The following PPP2R5A variants were observed in gnomAD, a reference collection of about 807,000 sequenced individuals.
The protein encoded by PPP2R5A is serine/threonine-protein phosphatase 2A 56 kDa regulatory subunit alpha isoform.
Under a neutral mutation model 64.2 loss-of-function variants are expected in PPP2R5A, and 25 were observed. The observed-to-expected ratio is 0.39, with a 90% CI of 0.28 to 0.54. The LOEUF (loss-of-function observed/expected upper bound fraction) is 0.54. Among genes scored for constraint, PPP2R5A ranks in the 20% least tolerant of loss-of-function variants. The pLI is 0.67. For missense variants in PPP2R5A, 425 were observed against 576.3 expected, an observed-to-expected ratio of 0.74 and a Z score of 2.69; for synonymous variants, 198 against 201.2, an observed-to-expected ratio of 0.98 and a Z score of 0.13.
chr1:212,357,451 A>G, intron 11 of PPP2R5A, 167 bp downstream of exon 11: 1 of 569,644 alleles, frequency 1.8e-6, no homozygotes, highest in Non-Finnish European at 2.7e-6. Context: ...ACCTTTATCA[A>G]GTTATAAATG....
At chr1:212,314,806 C>T (rs1659114456) in intron 1 of PPP2R5A, among the ~76,000 whole-genome samples, 1 of 152,042 alleles carries the variant, frequency 6.6e-6, no homozygotes, top group Admixed American at 6.6e-5. Flanking sequence ...AAGTGATCCG[C>T]CCACCTCAGC....
chr1:212,310,698 G>A (rs895325103), intron 1 of PPP2R5A, among the ~76,000 whole-genome samples: 2 of 152,112 alleles, frequency 1.3e-5, no homozygotes, highest in Admixed American at 6.5e-5. Context: ...GGTGATTGAG[G>A]CCCCAGTTAT....
chr1:212,337,930 C>T (rs1009651530), intron 3 of PPP2R5A, among the ~76,000 whole-genome samples: 1 of 131,860 alleles, frequency 7.6e-6, no homozygotes, highest in African/African-American at 4.4e-5. Flanking sequence ...TATATGAATT[C>T]TTTTATATAT....
chr1:212,304,366 C>T (rs1239641790), intron 1 of PPP2R5A, among the ~76,000 whole-genome samples: 2 of 152,034 alleles, frequency 1.3e-5, no homozygotes, highest in African/African-American at 2.4e-5. Context: ...GCCTGACCAA[C>T]GTGGAGAAAC....
intron 5 of PPP2R5A, among the ~76,000 whole-genome samples, chr1:212,347,043 ATTTC>A (rs1425209398): frequency 6.6e-6 from 1 of 152,154 alleles, no homozygotes; most frequent in Admixed American, 6.5e-5. Flanking sequence ...TTTAAAAAGT[ATTTC>A]TTTGAGGAAA....
chr1:212,327,947 TG>T lies in PPP2R5A; in HGVS notation c.182-1185del, dbSNP rs574778192. 4.9e-4 allele frequency among the ~76,000 whole-genome samples: 74 copies of T among 152,348 alleles called. 1 individual carries two copies. In the South Asian group the frequency reaches 0.014, roughly 30 times the overall value. ...CTCTTACCTCAGCCTCTGGAGTAGC[TG>T]GGATTACAGGCATGCGCCACCATGC... is the stretch of plus-strand genomic sequence containing the variant. On this transcript the variant is annotated intron_variant, in intron 1 of 12. Coordinates refer to ENST00000261461, the MANE Select transcript of PPP2R5A (RefSeq NM_006243.4).
At chr1:212,302,389 T>C (rs1009348237) in intron 1 of PPP2R5A, among the ~76,000 whole-genome samples, 3 of 152,208 alleles carry the variant, frequency 2.0e-5, no homozygotes, top group African/African-American at 7.2e-5. Flanking sequence ...TCTAATTTAG[T>C]ATTATAAGTT....
Position 212,357,184 on chromosome 1 carries a change from A to T in PPP2R5A, c.1126A>T (p.Asn376Tyr). The T allele has an allele frequency of 6.3e-7, 1 of 1,589,526 alleles. No homozygotes were observed. Among genetic ancestry groups the T allele is most frequent in the African/African-American group, 1.4e-5 (1 of 73,550 alleles). ...TGCAGAAAGGGCATTGTACTTCTGGAATAACGAATATATTCTTAGTTTGAT... is the reference window on the plus strand; with the variant it reads ...TGCAGAAAGGGCATTGTACTTCTGGTATAACGAATATATTCTTAGTTTGAT... ...QVAERALYFWNNEYILSLIEE... is the reference protein window; with the variant it reads ...QVAERALYFWYNEYILSLIEE... Residue 376 changes from asparagine (N) to tyrosine (Y), a missense_variant, in exon 11 of 13, where the codon AAT (asparagine) becomes TAT (tyrosine). Physicochemically the swap from Asn to Tyr is moderately radical, Grantham distance 143. Transcript: ENST00000261461.
chr1:212,306,360 G>GA (rs199738352), intron 1 of PPP2R5A, among the ~76,000 whole-genome samples: 2 of 151,516 alleles, frequency 1.3e-5, no homozygotes, highest in South Asian at 4.2e-4. Context: ...AAGAATGGAG[G>GA]GGGGGTAACT....
chr1:212,360,712 A>G lies in PPP2R5A; in HGVS notation c.1403A>G (p.Glu468Gly). The change falls in exon 13 of 13, where the codon GAA becomes GGA. Residue 468 changes from glutamate to glycine, a missense_variant. Physicochemically the swap from Glu to Gly is moderately conservative, Grantham distance 98 (BLOSUM62 -2). Transcript: ENST00000261461. ...LEELKLKKALEKQNSAYNMHS... is the reference protein window; with the variant it reads ...LEELKLKKALGKQNSAYNMHS... ...GAGCTAAAGCTAAAGAAAGCTCTAG[A>G]AAAACAGAATAGTGCTTACAACATG... 2 of 1,601,272 alleles carry G rather than the reference A, an allele frequency of 1.2e-6. No homozygotes were observed. Among genetic ancestry groups the G allele is most frequent in the South Asian group, 2.3e-5 (2 of 88,406 alleles).
At chr1:212,335,804 T>C (rs1284484208) in intron 3 of PPP2R5A, among the ~76,000 whole-genome samples, 1 of 152,248 alleles carries the variant, frequency 6.6e-6, no homozygotes, top group Non-Finnish European at 1.5e-5. Context: ...GTTTTACATA[T>C]TCTCATTAGC....
chr1:212,334,057 CA>C (rs1429351469), intron 3 of PPP2R5A: 1 of 152,486 alleles, frequency 6.6e-6, no homozygotes, highest in Non-Finnish European at 1.5e-5. Context: ...TGGGTTCTTT[CA>C]GTTAGCATAA....
At chr1:212,343,585 A>G (rs1659724139) in intron 4 of PPP2R5A, among the ~76,000 whole-genome samples, 1 of 152,216 alleles carries the variant, frequency 6.6e-6, no homozygotes, top group Non-Finnish European at 1.5e-5. Context: ...ATTTCCTTCA[A>G]CCATTGAAGT....
At chr1:212,359,283 C>A (rs1352969257) in intron 12 of PPP2R5A, among the ~76,000 whole-genome samples, 1 of 152,250 alleles carries the variant, frequency 6.6e-6, no homozygotes, top group South Asian at 2.1e-4. Context: ...GTAGGTAATT[C>A]TTACGCTGTG....
At chr1:212,290,505 G>T (rs1449186606) in intron 1 of PPP2R5A, among the ~76,000 whole-genome samples, 1 of 152,114 alleles carries the variant, frequency 6.6e-6, no homozygotes, top group Non-Finnish European at 1.5e-5. Flanking sequence ...ATCTCTTCTG[G>T]AAGATTTATT....
intron 1 of PPP2R5A, among the ~76,000 whole-genome samples, chr1:212,288,584 T>A (rs1052856286): frequency 6.6e-6 from 1 of 152,164 alleles, no homozygotes; most frequent in Non-Finnish European, 1.5e-5. Flanking sequence ...AGGAACAACT[T>A]CTTTTACTCC....
At chr1:212,318,728 A>G (rs1162086873) in intron 1 of PPP2R5A, among the ~76,000 whole-genome samples, 3 of 152,250 alleles carry the variant, frequency 2.0e-5, no homozygotes, top group African/African-American at 7.2e-5. Flanking sequence ...GGAAGAATCT[A>G]TACAGACTAT....
chr1:212,333,308 G>T (rs1004940750), intron 2 of PPP2R5A, among the ~76,000 whole-genome samples, 189 bp from the exon 3 acceptor site: 1 of 152,212 alleles, frequency 6.6e-6, no homozygotes, highest in African/African-American at 2.4e-5. Flanking sequence ...GAGGAAGTCA[G>T]AGTTATTGGA....
chr1:212,286,702 C>A (rs149879809), intron 1 of PPP2R5A, among the ~76,000 whole-genome samples: 3 of 152,152 alleles, frequency 2.0e-5, no homozygotes, highest in Non-Finnish European at 4.4e-5. Context: ...CTCCTCTGTT[C>A]GGCCACTTTT....
Sources: gnomAD v4.1 joint callset for allele counts (sites outside exome capture counted in the v4.1 genomes callset) on GRCh38, gnomAD v4.1.1 for gene constraint, MANE v1.5 for transcripts, NCBI Gene and HGNC (gene_info 2026-07-23, HGNC 2026-07-21) for gene names.